ABR: variants seen among roughly 807,000 people sequenced by gnomAD.
The protein encoded by ABR is ABR activator of RhoGEF and GTPase.
In ABR, 35 loss-of-function variants were observed where a neutral mutation model predicts 107.2. The observed-to-expected ratio is 0.33, with a 90% CI of 0.25 to 0.43. The LOEUF is 0.43. ABR is among the 20% of genes least tolerant of loss of function. The pLI, the probability that ABR is intolerant of heterozygous loss-of-function variation, is 1.00. For missense variants in ABR, 815 were observed against 1,115.2 expected (o/e 0.73, Z 3.83); for synonymous variants, 498 against 462.0 (o/e 1.08, Z -1.00).
At chr17:1,076,956 C>A (rs947153399) in intron 6 of ABR, among the ~76,000 whole-genome samples, 1 of 152,224 alleles carries the variant, frequency 6.6e-6, no homozygotes, top group Non-Finnish European at 1.5e-5. Flanking sequence ...ACTTGGGCAG[C>A]AAGCTGGTCT....
chr17:1,064,635 A>T (rs2034486430), intron 10 of ABR, among the ~76,000 whole-genome samples: 1 of 125,412 alleles, frequency 8.0e-6, no homozygotes, highest in Non-Finnish European at 1.7e-5. Context: ...TTGTTATGTG[A>T]ACTGAGGGCT....
Position 1,148,051 on chromosome 17 carries a change from G to A in ABR, c.62-22684C>T, listed in dbSNP as rs2040627880. ...GTCAATGACCCACCCACTCTCCCCA[G>A]GCTGGTCAATGGGCCCACCCCACGG... On this transcript the variant is annotated intron_variant, in intron 1 of 22. Transcript: ENST00000302538. The surrounding 1 kb of genome is among the most constrained non-coding windows in gnomAD (Gnocchi z 4.9). 6.6e-6 allele frequency among the ~76,000 whole-genome samples: 1 copy of A among 152,186 alleles called. No individual in the cohort carries two copies. Among genetic ancestry groups the A allele is most frequent in the Admixed American group, 6.5e-5 (1 of 15,280 alleles).
In ABR at chr17:1,211,401, ATCT is replaced by A. The variant is rs548616623; in HGVS notation, c.838+17389_838+17391del. ...CAGTGGAGCTAGCCACCAAAAATCG[ATCT>A]TCTTCTGCTGTTCCTGCAGAGGTGT... On this transcript the variant is annotated intron_variant, in intron 1 of 22. Transcript: ENST00000574139. Among the ~76,000 whole-genome samples the A allele has an allele frequency of 1.8e-4, 27 of 152,314 alleles. No homozygotes were observed. The South Asian group carries it at 4.4e-3, about 25-fold the overall frequency.
intron 1 of ABR, among the ~76,000 whole-genome samples, chr17:1,225,136 G>A (rs1479244769): frequency 2.1e-5 from 3 of 141,980 alleles, no homozygotes; most frequent in Admixed American, 7.1e-5. Flanking sequence ...GCAACACCGT[G>A]AGACTCCATC....
chr17:1,153,949 AGCCTG>A, intron 1 of ABR: 1 of 165,942 alleles, frequency 6.0e-6, no homozygotes, highest in Non-Finnish European at 1.3e-5. Flanking sequence ...CTCCCGCTCC[AGCCTG>A]CCAGGCGGGG....
chr17:1,210,047 A>G lies in ABR; in HGVS notation c.838+18746T>C, dbSNP rs2042871935. ...AACAAATTAAAAAAAGAAAACACAT[A>G]TCTTTCATGGCAAAGACACCTAAAT... On this transcript the variant is annotated intron_variant, in intron 1 of 22. Coordinates refer to the ABR transcript ENST00000574139. This position sits in a 1 kb window ranked among gnomAD's most constrained non-coding sequence, Gnocchi z 5.6. Among the ~76,000 whole-genome samples, 2 of 152,252 alleles carry G rather than the reference A, an allele frequency of 1.3e-5. No homozygotes were observed. The highest frequency in any genetic ancestry group is 1.3e-4 in the Admixed American group (2 of 15,288).
intron 5 of ABR, among the ~76,000 whole-genome samples, chr17:1,082,399 C>T (rs1472417596): frequency 1.3e-5 from 2 of 152,130 alleles, no homozygotes; most frequent in East Asian, 1.9e-4. Flanking sequence ...GGGAGGAAGG[C>T]TGGGCCTCAG....
intron 12 of ABR, 24 bp from the exon 13 acceptor site, chr17:1,057,126 G>T: frequency 6.5e-7 from 1 of 1,529,134 alleles, no homozygotes; most frequent in South Asian, 1.1e-5. Context: ...CGAGAGAGAA[G>T]GGAGCGTGGG....
intron 2 of ABR, among the ~76,000 whole-genome samples, chr17:1,123,455 T>A (rs1006670718): frequency 3.9e-5 from 6 of 152,170 alleles, no homozygotes; most frequent in African/African-American, 1.4e-4. Flanking sequence ...GGGGCATCTG[T>A]GCGTGACGCC....
upstream of ABR, among the ~76,000 whole-genome samples, chr17:1,180,778 C>T (rs546214282): frequency 1.3e-5 from 2 of 152,230 alleles, no homozygotes; most frequent in Non-Finnish European, 2.9e-5. Flanking sequence ...AAGACCCCCT[C>T]GCCCAAGGGC....
At chr17:1,145,761 T>G (rs923381152) in intron 1 of ABR, among the ~76,000 whole-genome samples, 6 of 152,208 alleles carry the variant, frequency 3.9e-5, no homozygotes, top group Non-Finnish European at 8.8e-5. Context: ...GCACGACCCC[T>G]GCCTTCCACC....
At chr17:1,029,492 G>C (rs1436026723) in intron 16 of ABR, among the ~76,000 whole-genome samples, 1 of 152,096 alleles carries the variant, frequency 6.6e-6, no homozygotes, top group Non-Finnish European at 1.5e-5. Flanking sequence ...GAACCTTCAG[G>C]TCAGTGGAAG....
chr17:1,004,827 A>G lies in ABR; in HGVS notation c.*1253T>C, dbSNP rs1456566268. 7.7e-6 allele frequency: 3 copies of G among 390,642 alleles called. No individual in the cohort carries two copies. The highest frequency in any genetic ancestry group is 2.1e-5 in the African/African-American group (1 of 48,480). The allele number at this position is 390,642 out of a possible 1,614,324, so 24.2% of individuals were successfully genotyped here. On this transcript the variant is annotated 3_prime_UTR_variant, in exon 23 of 23. Coordinates refer to ENST00000302538, the MANE Select transcript of ABR (RefSeq NM_021962.5). ...ATCCAGAAGCTGGGGCGGCACCACA[A>G]TGGCTGGCCACCGTGGGCCTGTGCC...
intron 16 of ABR, among the ~76,000 whole-genome samples, chr17:1,044,523 C>A (rs553760343): frequency 7.9e-5 from 12 of 151,924 alleles, no homozygotes; most frequent in African/African-American, 2.9e-4. Flanking sequence ...TGGTGGTGGG[C>A]GCCTGTAATC....
intron 3 of ABR, 128 bp from the exon 4 acceptor site, chr17:1,091,978 G>A (rs1202138586): frequency 2.0e-6 from 2 of 1,021,028 alleles, no homozygotes; most frequent in Admixed American, 2.5e-5. Context: ...GCCAAAGGCA[G>A]GGCACTGAAA....
intron 1 of ABR, among the ~76,000 whole-genome samples, chr17:1,167,385 C>A (rs1460507597): frequency 2.7e-5 from 4 of 148,864 alleles, no homozygotes; most frequent in African/African-American, 7.8e-5. Flanking sequence ...CATAGCCACC[C>A]CTGACTCCAA....
intron 1 of ABR, among the ~76,000 whole-genome samples, chr17:1,204,394 G>A (rs1039396476): frequency 1.3e-5 from 2 of 152,290 alleles, no homozygotes; most frequent in South Asian, 4.1e-4. Context: ...GCAGTGAGCC[G>A]AGATTGCGCC....
intron 3 of ABR, among the ~76,000 whole-genome samples, chr17:1,094,909 G>A (rs1480899294): frequency 6.6e-6 from 1 of 152,172 alleles, no homozygotes; most frequent in African/African-American, 2.4e-5. Flanking sequence ...AGGAGCAAGG[G>A]AAGAGTGTCC....
intron 21 of ABR, among the ~76,000 whole-genome samples, chr17:1,008,083 T>A: frequency 6.6e-6 from 1 of 151,254 alleles, no homozygotes; most frequent in East Asian, 2.0e-4. Flanking sequence ...CTGCCTCCTA[T>A]GCCTCTCCGT....
Sources: allele counts gnomAD v4.1 joint callset (sites outside exome capture counted in the v4.1 genomes callset), GRCh38; gene constraint gnomAD v4.1.1; non-coding constraint Gnocchi (gnomAD v3.1); transcripts MANE v1.5; gene names NCBI Gene and HGNC (gene_info 2026-07-23, HGNC 2026-07-21).